TANC2: variants seen among roughly 807,000 people sequenced by gnomAD.
TANC2 encodes tetratricopeptide repeat, ankyrin repeat and coiled-coil containing 2.
Under a neutral mutation model 210.5 loss-of-function variants are expected in TANC2, and 26 were observed. That is an observed-to-expected ratio of 0.12 (90% CI 0.09 to 0.17). The LOEUF (loss-of-function observed/expected upper bound fraction) is 0.17. Among genes scored for constraint, TANC2 ranks in the 10% least tolerant of loss-of-function variants. The probability of loss-of-function intolerance (pLI) is 1.00; values close to 1 mark genes in which losing one functional copy is unlikely to be tolerated. For synonymous variants in TANC2, 931 were observed against 967.1 expected, an observed-to-expected ratio of 0.96 and a Z score of 0.69; for missense variants, 2,129 against 2,608.9, an observed-to-expected ratio of 0.82 and a Z score of 4.01.
chr17:63,354,111 A>G (rs2046708296), intron 13 of TANC2, among the ~76,000 whole-genome samples: 1 of 152,188 alleles, frequency 6.6e-6, no homozygotes, highest in Non-Finnish European at 1.5e-5. Flanking sequence ...GGGTACTCAC[A>G]GGAGCAAAGT....
chr17:63,263,550 C>A (rs1485762639), intron 8 of TANC2, among the ~76,000 whole-genome samples: 2 of 152,138 alleles, frequency 1.3e-5, no homozygotes, highest in African/African-American at 4.8e-5. Context: ...TAAATCAAAT[C>A]TGAGTTGTTT....
In TANC2 at chr17:63,249,076, A is replaced by G. The variant is rs371373445; in HGVS notation, c.1033+10999A>G. On this transcript the variant is annotated intron_variant, in intron 8 of 27. Transcript: ENST00000689528. ...AGTTCATAGTTAAAATAGATAAAAC[A>G]ATTAACACTCCATGTTCCACATATG... Among the ~76,000 whole-genome samples, 49 of 152,250 alleles carry G rather than the reference A, an allele frequency of 3.2e-4. 1 individual carries two copies. In the South Asian group the frequency reaches 0.01, roughly 32 times the overall value.
chr17:63,034,871 A>G (rs1023026497), intron 2 of TANC2, among the ~76,000 whole-genome samples: 1 of 152,210 alleles, frequency 6.6e-6, no homozygotes, highest in Non-Finnish European at 1.5e-5. Context: ...GTTTCTTGAG[A>G]TGGAATCTGT....
chr17:63,376,868 A>AGTG, intron 14 of TANC2, among the ~76,000 whole-genome samples: 1 of 139,252 alleles, frequency 7.2e-6, no homozygotes, highest in Admixed American at 7.8e-5. Flanking sequence ...CCCAGGCTGG[A>AGTG]GTGCAGTGGC....
At chr17:63,402,964 G>A (rs2048388150) in intron 19 of TANC2, among the ~76,000 whole-genome samples, 1 of 152,242 alleles carries the variant, frequency 6.6e-6, no homozygotes, top group Non-Finnish European at 1.5e-5. Context: ...TTGGCCAGCT[G>A]TGTTAACCAT....
chr17:63,229,550 C>A (rs2042414568), intron 7 of TANC2, among the ~76,000 whole-genome samples: 1 of 104,760 alleles, frequency 9.5e-6, no homozygotes, highest in African/African-American at 5.6e-5. Flanking sequence ...TCCGTCTGGT[C>A]CTGGGTTTTT....
At chr17:63,267,473 A>AGG (rs1222930946) in intron 8 of TANC2, among the ~76,000 whole-genome samples, 21 of 152,218 alleles carry the variant, frequency 1.4e-4, no homozygotes, top group Non-Finnish European at 2.5e-4. Context: ...GAAATATTTA[A>AGG]TCCCTCTGTT....
intron 9 of TANC2, among the ~76,000 whole-genome samples, chr17:63,296,067 C>T (rs752595224): frequency 2.6e-5 from 4 of 152,144 alleles, no homozygotes; most frequent in Non-Finnish European, 5.9e-5. Context: ...GCCCAAGAAA[C>T]CCCCTGAGTG....
intron 4 of TANC2, among the ~76,000 whole-genome samples, chr17:63,146,240 C>G (rs1243896430): frequency 1.3e-5 from 2 of 151,868 alleles, no homozygotes; most frequent in African/African-American, 2.4e-5. Context: ...ATACAACTAA[C>G]TTGTGAGTTG....
chr17:63,142,408 T>C (rs1167173026), intron 4 of TANC2, among the ~76,000 whole-genome samples: 1 of 152,206 alleles, frequency 6.6e-6, no homozygotes, highest in East Asian at 1.9e-4. Flanking sequence ...AATATGCCCT[T>C]ATAGTCCTTT....
intron 7 of TANC2, among the ~76,000 whole-genome samples, chr17:63,204,164 A>G (rs1043768642): frequency 1.3e-5 from 2 of 151,452 alleles, no homozygotes; most frequent in Non-Finnish European, 3.0e-5. Flanking sequence ...CAAAATCAAC[A>G]CCAAAACAAG....
At chr17:63,001,393 G>A (rs1466798731) in intron 1 of TANC2, among the ~76,000 whole-genome samples, 3 of 152,038 alleles carry the variant, frequency 2.0e-5, no homozygotes, top group African/African-American at 4.8e-5. Context: ...TCTTTACTAA[G>A]TCAGTAAATC....
At chr17:63,093,803 A>G (rs1341875387) in intron 3 of TANC2, among the ~76,000 whole-genome samples, 2 of 151,994 alleles carry the variant, frequency 1.3e-5, no homozygotes, top group Non-Finnish European at 2.9e-5. Flanking sequence ...TTTTAGAGAC[A>G]GTATCTCACT....
At chr17:63,193,593 A>G (rs2041252952) in intron 5 of TANC2, among the ~76,000 whole-genome samples, 1 of 152,208 alleles carries the variant, frequency 6.6e-6, no homozygotes, top group African/African-American at 2.4e-5. Flanking sequence ...ATCTGACCCC[A>G]TAAAAAGATT....
At position 63,412,038 on chromosome 17, in the gene TANC2, T is replaced by G; in HGVS notation, c.3806T>G (p.Val1269Gly). Residue 1269 changes from valine (V) to glycine (G), a missense_variant, in exon 23 of 28, where the codon GTT (valine) becomes GGT (glycine). By Grantham distance (109) the Val-to-Gly change is moderately radical (BLOSUM62 -3). Transcript: ENST00000689528. The surrounding 1 kb of genome is among the most constrained non-coding windows in gnomAD (Gnocchi z 4.2). ...GATCATGGGGCCATGATCGAGCACG[T>G]TGACTACAGTGGAATGCGCCCTTTG... 4 of 1,613,810 alleles carry G rather than the reference T, an allele frequency of 2.5e-6. No individual in the cohort carries two copies. The highest frequency in any genetic ancestry group is 3.4e-6 in the Non-Finnish European group (4 of 1,179,836).
At chr17:63,015,668 A>G (rs1018902492) in intron 2 of TANC2, among the ~76,000 whole-genome samples, 3 of 152,098 alleles carry the variant, frequency 2.0e-5, no homozygotes, top group Admixed American at 6.6e-5. Context: ...TTTGAATTTT[A>G]TAACAGTTAA....
intron 5 of TANC2, among the ~76,000 whole-genome samples, chr17:63,192,005 G>A (rs1252370081): frequency 2.0e-5 from 3 of 152,148 alleles, no homozygotes; most frequent in Admixed American, 2.0e-4. Context: ...GTCCCTGTCT[G>A]TTATTTGAGA....
intron 8 of TANC2, among the ~76,000 whole-genome samples, chr17:63,239,202 G>A (rs1221737845): frequency 6.6e-6 from 1 of 151,590 alleles, no homozygotes; most frequent in Non-Finnish European, 1.5e-5. Flanking sequence ...GTTGAAATAC[G>A]GAGTCATCAT....
At chr17:62,980,006 T>TC (rs2032220189) in intron 1 of TANC2, among the ~76,000 whole-genome samples, 1 of 152,232 alleles carries the variant, frequency 6.6e-6, no homozygotes, top group Non-Finnish European at 1.5e-5. Context: ...AACCTTCTCT[T>TC]TCCTTCGTCT....
Sources: allele counts gnomAD v4.1 joint callset (sites outside exome capture counted in the v4.1 genomes callset), GRCh38; gene constraint gnomAD v4.1.1; non-coding constraint Gnocchi (gnomAD v3.1); transcripts MANE v1.5; gene names NCBI Gene and HGNC (gene_info 2026-07-23, HGNC 2026-07-21).